The following NTRK3 variants were observed in gnomAD, a reference collection of about 807,000 sequenced individuals.
The protein encoded by NTRK3 is NT-3 growth factor receptor.
A neutral mutation model predicts 91.7 loss-of-function variants in NTRK3; 24 were observed. The observed-to-expected ratio is 0.26, with a 90% CI of 0.19 to 0.37. NTRK3 has a LOEUF of 0.37. Among genes scored for constraint, NTRK3 ranks in the 10% least tolerant of loss-of-function variants. The probability of loss-of-function intolerance (pLI) is 1.00; values close to 1 mark genes in which losing one functional copy is unlikely to be tolerated. For missense variants in NTRK3, 880 were observed against 1,068.9 expected, an observed-to-expected ratio of 0.82 and a Z score of 2.46; for synonymous variants, 483 against 404.0, an observed-to-expected ratio of 1.20 and a Z score of -2.34.
intron 14 of NTRK3, among the ~76,000 whole-genome samples, chr15:88,010,453 A>C (rs111470713): frequency 4.6e-5 from 7 of 152,152 alleles, no homozygotes; most frequent in African/African-American, 1.4e-4. Flanking sequence ...AGAACAATTT[A>C]TGTAAAATAA....
chr15:88,012,528 A>G (rs780075972), intron 14 of NTRK3, among the ~76,000 whole-genome samples: 46 of 152,194 alleles, frequency 3.0e-4, no homozygotes, highest in Non-Finnish European at 3.8e-4. Context: ...CCTCTTGTTT[A>G]TATCACTGTC....
chr15:87,941,812 A>G (rs977551526), intron 14 of NTRK3, among the ~76,000 whole-genome samples: 1 of 152,204 alleles, frequency 6.6e-6, no homozygotes, highest in Non-Finnish European at 1.5e-5. Flanking sequence ...GAATGCTACG[A>G]AGGAGTTGTA....
intron 14 of NTRK3, among the ~76,000 whole-genome samples, chr15:87,948,074 T>G (rs1236737686): frequency 1.3e-5 from 2 of 152,134 alleles, no homozygotes; most frequent in African/African-American, 4.8e-5. Context: ...CTTCTATGAA[T>G]GGCAAGCAAG....
exon 19 of NTRK3, chr15:87,863,137 C>T (rs1401856328): frequency 4.3e-6 from 1 of 230,576 alleles, no homozygotes; most frequent in African/African-American, 2.2e-5. Context: ...CTTTCTACTT[C>T]TCTGAGCCAG....
intron 6 of NTRK3, among the ~76,000 whole-genome samples, chr15:88,139,447 G>A (rs1453607550): frequency 6.6e-6 from 1 of 152,016 alleles, no homozygotes; most frequent in Non-Finnish European, 1.5e-5. Context: ...AAATAGTTAA[G>A]CATGCATCAA....
intron 13 of NTRK3, among the ~76,000 whole-genome samples, chr15:88,121,888 C>G (rs1310917581): frequency 1.3e-5 from 2 of 152,148 alleles, no homozygotes; most frequent in Non-Finnish European, 2.9e-5. Flanking sequence ...TTTGTGATTC[C>G]AAAAGAAGAT....
chr15:87,872,941 A>T lies in NTRK3; in HGVS notation c.*3994T>A, dbSNP rs2064860971. On this transcript the variant is annotated 3_prime_UTR_variant, in exon 19 of 19. Transcript: ENST00000394480. The stretch of plus-strand genomic sequence containing the variant: ...AGCTGATTTGGCCAAGGCCACGTGG[A>T]TAACTAATAGCAAAATCAGAAATTT... The T allele has an allele frequency of 2.6e-5, 6 of 233,124 alleles. No homozygotes were observed. The South Asian group carries it at 9.0e-4, about 35-fold the overall frequency. The allele number at this position is 233,124 out of a possible 1,614,324, so 14.4% of individuals were successfully genotyped here.
At chr15:87,964,218 G>A (rs2072579363) in intron 14 of NTRK3, among the ~76,000 whole-genome samples, 1 of 152,054 alleles carries the variant, frequency 6.6e-6, no homozygotes, top group Admixed American at 6.6e-5. Flanking sequence ...TTACTTATCT[G>A]GTAATGGTAG....
chr15:87,990,992 C>T (rs936623975), intron 14 of NTRK3, among the ~76,000 whole-genome samples: 36 of 152,280 alleles, frequency 2.4e-4, no homozygotes, highest in Admixed American at 1.8e-3. Flanking sequence ...AAGTTCTAAT[C>T]CTTTTACAAA....
chr15:88,010,046 A>G (rs894184138), intron 14 of NTRK3, among the ~76,000 whole-genome samples: 3 of 152,168 alleles, frequency 2.0e-5, no homozygotes, highest in Non-Finnish European at 4.4e-5. Context: ...CAAATCTACA[A>G]AGCAAAAGCT....
intron 13 of NTRK3, among the ~76,000 whole-genome samples, chr15:88,096,088 A>G (rs1211502589): frequency 6.6e-6 from 1 of 152,204 alleles, no homozygotes; most frequent in Non-Finnish European, 1.5e-5. Context: ...AAGGAAGCCA[A>G]AGTGACTTTG....
intron 13 of NTRK3, among the ~76,000 whole-genome samples, chr15:88,078,895 G>A (rs891318145): frequency 6.6e-6 from 1 of 152,238 alleles, no homozygotes; most frequent in Non-Finnish European, 1.5e-5. Flanking sequence ...AAGTGGCAGG[G>A]GCTTAGGTCA....
intron 13 of NTRK3, among the ~76,000 whole-genome samples, chr15:88,064,864 T>C (rs1555488721): frequency 1.3e-5 from 2 of 152,156 alleles, no homozygotes; most frequent in South Asian, 2.1e-4. Flanking sequence ...CCTCAACACA[T>C]AGTTTCCTGA....
At chr15:87,952,747 G>T (rs1434784770) in intron 14 of NTRK3, among the ~76,000 whole-genome samples, 1 of 152,120 alleles carries the variant, frequency 6.6e-6, no homozygotes, top group Admixed American at 6.5e-5. Context: ...CTGTCCGGGA[G>T]TCCCGAGAGG....
At chr15:87,957,759 G>C (rs974580869) in intron 14 of NTRK3, among the ~76,000 whole-genome samples, 7 of 152,200 alleles carry the variant, frequency 4.6e-5, no homozygotes, top group Non-Finnish European at 1.0e-4. Context: ...AAAGAGGACT[G>C]AATCATTTTA....
chr15:87,947,723 G>A (rs1471629819), intron 14 of NTRK3, among the ~76,000 whole-genome samples: 2 of 152,236 alleles, frequency 1.3e-5, no homozygotes, highest in African/African-American at 4.8e-5. Flanking sequence ...GGAGAGGAAG[G>A]GAGGATCTGT....
At chr15:88,085,485 C>T (rs1031495756) in intron 13 of NTRK3, among the ~76,000 whole-genome samples, 6 of 152,174 alleles carry the variant, frequency 3.9e-5, no homozygotes, top group African/African-American at 1.4e-4. Flanking sequence ...GCCGGCACCC[C>T]AGAATGAGAA....
chr15:87,977,991 C>A (rs747406474), intron 14 of NTRK3: 3 of 233,390 alleles, frequency 1.3e-5, no homozygotes, highest in Non-Finnish European at 2.5e-5. Flanking sequence ...ACAAGCCCCC[C>A]ACAGGATGCT....
chr15:88,078,769 G>A (rs962724422), intron 13 of NTRK3, among the ~76,000 whole-genome samples: 3 of 152,224 alleles, frequency 2.0e-5, no homozygotes, highest in Non-Finnish European at 4.4e-5. Flanking sequence ...GAGTCCTGGG[G>A]AAGCGACACT....
Sources: allele counts gnomAD v4.1 joint callset (sites outside exome capture counted in the v4.1 genomes callset), GRCh38; gene constraint gnomAD v4.1.1; transcripts MANE v1.5; gene names NCBI Gene and HGNC (gene_info 2026-07-23, HGNC 2026-07-21).